MED27: variants seen among roughly 807,000 people sequenced by gnomAD.
MED27 encodes the protein mediator complex subunit 27, also known as mediator of RNA polymerase II transcription subunit 27.
A neutral mutation model predicts 38.2 loss-of-function variants in MED27; 30 were observed. The ratio of observed to expected loss-of-function variants is 0.79; its 90% CI spans 0.59 to 1.07. MED27 has a LOEUF of 1.07. MED27 is among the 50% of genes least tolerant of loss of function. MED27 has a pLI of 0.00. For synonymous variants in MED27, 122 were observed against 153.5 expected (o/e 0.79, Z 1.52); for missense variants, 289 against 397.5 (o/e 0.73, Z 2.32).
At chr9:132,033,208 T>C (rs1170481947) in intron 2 of MED27, among the ~76,000 whole-genome samples, 2 of 152,216 alleles carry the variant, frequency 1.3e-5, no homozygotes, top group Non-Finnish European at 2.9e-5. Flanking sequence ...TTTTCTGACC[T>C]GGTATTGTCT....
Position 131,898,417 on chromosome 9 carries a change from GT to G in MED27, c.574-4426del, listed in dbSNP as rs1163216031. 7.9e-5 allele frequency among the ~76,000 whole-genome samples: 12 copies of G among 152,196 alleles called. No individual in the cohort carries two copies. The East Asian group carries it at 2.3e-3, about 29-fold the overall frequency. On this transcript the variant is annotated intron_variant, in intron 4 of 7. Transcript: ENST00000292035. Reference sequence around the variant, plus strand: ...TTTAGTAGAGACAGGGTTTCGCCATGTTGACCAGGCTGGTCTCGAACTCCTG... The same window carrying G: ...TTTAGTAGAGACAGGGTTTCGCCATGTGACCAGGCTGGTCTCGAACTCCTG...
At chr9:131,922,751 T>C (rs1379910096) in intron 4 of MED27, among the ~76,000 whole-genome samples, 2 of 152,180 alleles carry the variant, frequency 1.3e-5, no homozygotes, top group Non-Finnish European at 2.9e-5. Context: ...ACTCGTCATT[T>C]AGCATTAGGT....
At chr9:132,008,135 G>C (rs1378075027) in intron 3 of MED27, among the ~76,000 whole-genome samples, 2 of 152,138 alleles carry the variant, frequency 1.3e-5, no homozygotes, top group Admixed American at 6.5e-5. Context: ...CATTCAGCCT[G>C]GCCATACTGA....
intron 2 of MED27, among the ~76,000 whole-genome samples, chr9:132,067,762 A>G (rs895672797): frequency 3.1e-4 from 47 of 152,042 alleles, no homozygotes; most frequent in African/African-American, 1.1e-3. Flanking sequence ...CCCAGGCTGG[A>G]GCGCAGTGGT....
rs60902624 is a variant in MED27, at chr9:131,871,197, T to C, written c.724-8057A>G. Among the ~76,000 whole-genome samples the C allele has an allele frequency of 3.4e-3, 513 of 152,190 alleles. 7 individuals carry two copies. Among genetic ancestry groups the C allele is most frequent in the African/African-American group, 0.012 (488 of 41,510 alleles). ...TGCTCACCCTACCATACACCCCACA[T>C]TCGGTATGCAGCACCCACACGCTTT... On this transcript the variant is annotated intron_variant, in intron 6 of 7. Transcript: ENST00000292035.
In MED27 at chr9:131,889,234, G is replaced by A. The variant is rs932638996; in HGVS notation, c.681+4651C>T. On this transcript the variant is annotated intron_variant, in intron 5 of 7. Coordinates refer to ENST00000292035, the MANE Select transcript of MED27 (RefSeq NM_004269.4). This position sits in a 1 kb window ranked among gnomAD's most constrained non-coding sequence, Gnocchi z 4.2. ...CAGAAATTACCCTGGAGACAGCTCT[G>A]GCTGTCTTTGAAGGTTTCCTTTGAT... Among the ~76,000 whole-genome samples, 1 of 152,146 alleles carries A rather than the reference G, an allele frequency of 6.6e-6. No homozygotes were observed. Among genetic ancestry groups the A allele is most frequent in the Non-Finnish European group, 1.5e-5 (1 of 68,042 alleles).
At chr9:132,028,894 G>A (rs1045294642) in intron 2 of MED27, among the ~76,000 whole-genome samples, 8 of 152,242 alleles carry the variant, frequency 5.3e-5, no homozygotes, top group East Asian at 3.9e-4. Context: ...TCCAAGACGC[G>A]CTAAAATCTG....
chr9:131,996,236 C>G (rs547876941), intron 3 of MED27, among the ~76,000 whole-genome samples: 1 of 152,160 alleles, frequency 6.6e-6, no homozygotes, highest in African/African-American at 2.4e-5. Context: ...TATTGTGGAG[C>G]CTGGGTACCC....
At chr9:131,948,933 C>T (rs1830935861) in intron 3 of MED27, among the ~76,000 whole-genome samples, 1 of 152,162 alleles carries the variant, frequency 6.6e-6, no homozygotes, top group African/African-American at 2.4e-5. Flanking sequence ...AAAGCTACCC[C>T]TCCATTTCCA....
chr9:131,980,495 C>T (rs1416490284), intron 3 of MED27, among the ~76,000 whole-genome samples: 2 of 152,152 alleles, frequency 1.3e-5, no homozygotes, highest in African/African-American at 4.8e-5. Context: ...CATGTGTCTG[C>T]ACTTTGTCTT....
chr9:131,896,164 G>A (rs1294306396), intron 4 of MED27, among the ~76,000 whole-genome samples: 1 of 152,178 alleles, frequency 6.6e-6, no homozygotes, highest in Non-Finnish European at 1.5e-5. Context: ...GCCTCCCAAA[G>A]TGCTGGGATT....
chr9:132,016,427 G>A (rs917832514), intron 2 of MED27, among the ~76,000 whole-genome samples: 2 of 152,164 alleles, frequency 1.3e-5, no homozygotes, highest in African/African-American at 2.4e-5. Context: ...AGGGTAGAAA[G>A]GGGGGAGCAT....
chr9:131,990,601 T>C (rs1269780059), intron 3 of MED27, among the ~76,000 whole-genome samples: 1 of 152,234 alleles, frequency 6.6e-6, no homozygotes, highest in African/African-American at 2.4e-5. Flanking sequence ...CTTTTGGACC[T>C]GTGGGTTGCT....
chr9:132,075,435 A>G (rs1010197328), intron 2 of MED27, among the ~76,000 whole-genome samples: 1 of 152,186 alleles, frequency 6.6e-6, no homozygotes, highest in African/African-American at 2.4e-5. Context: ...CATTGCTCAT[A>G]TGAGATTTAT....
At chr9:131,928,646 G>T (rs1830525110) in intron 4 of MED27, among the ~76,000 whole-genome samples, 1 of 152,206 alleles carries the variant, frequency 6.6e-6, no homozygotes, top group Admixed American at 6.5e-5. Flanking sequence ...CTCAGCTGAT[G>T]CCATATCCAC....
In MED27 at chr9:132,039,613, A is replaced by C. The variant is rs183612853; in HGVS notation, c.349-25146T>G. Reference sequence around the variant, plus strand: ...GCCAGTCTGTCTGCCATCAAAGGCCACACTGGATCCAAGGTACACTTCAAG... The same window carrying C: ...GCCAGTCTGTCTGCCATCAAAGGCCCCACTGGATCCAAGGTACACTTCAAG... On this transcript the variant is annotated intron_variant, in intron 2 of 7. Coordinates refer to ENST00000292035, the MANE Select transcript of MED27 (RefSeq NM_004269.4). Among the ~76,000 whole-genome samples the C allele has an allele frequency of 1.5e-3, 224 of 152,328 alleles. 1 individual carries two copies. Among genetic ancestry groups the C allele is most frequent in the African/African-American group, 5.2e-3 (218 of 41,572 alleles).
chr9:132,050,781 C>G, intron 2 of MED27, among the ~76,000 whole-genome samples: 1 of 152,178 alleles, frequency 6.6e-6, no homozygotes, highest in East Asian at 1.9e-4. Context: ...CTTTCTGTAG[C>G]CCTTATCCTG....
At chr9:131,958,610 A>G (rs1831152404) in intron 3 of MED27, among the ~76,000 whole-genome samples, 1 of 152,212 alleles carries the variant, frequency 6.6e-6, no homozygotes, top group Non-Finnish European at 1.5e-5. Flanking sequence ...CTAGGGACTC[A>G]GGTGATGAGA....
chr9:132,073,699 C>T, intron 2 of MED27: 2 of 1,517,740 alleles, frequency 1.3e-6, no homozygotes, highest in East Asian at 5.0e-5. Context: ...GAAATGTCTT[C>T]AGACTTTCCA....
Sources: gnomAD v4.1 joint callset for allele counts (sites outside exome capture counted in the v4.1 genomes callset) on GRCh38, gnomAD v4.1.1 for gene constraint, Gnocchi (gnomAD v3.1) non-coding constraint, MANE v1.5 for transcripts, NCBI Gene and HGNC (gene_info 2026-07-23, HGNC 2026-07-21) for gene names.